The following PDE11A variants were observed in gnomAD, a reference collection of about 807,000 sequenced individuals.
The protein encoded by PDE11A is dual 3',5'-cyclic-AMP and -GMP phosphodiesterase 11A.
PDE11A carries 100 observed loss-of-function variants against 100.5 expected under a neutral mutation model. That is an observed-to-expected ratio of 1.00 (90% CI 0.85 to 1.18). The LOEUF (loss-of-function observed/expected upper bound fraction) is 1.18, where lower values mean the gene tolerates loss of function less well. Among genes scored for constraint, PDE11A ranks in the 50% most tolerant of loss-of-function variants. PDE11A has a pLI of 0.00. For missense variants in PDE11A, 1,141 were observed against 1,152.6 expected (o/e 0.99, Z 0.15); for synonymous variants, 381 against 420.8 (o/e 0.91, Z 1.16).
At chr2:177,743,781 T>C (rs945953854) in intron 10 of PDE11A, among the ~76,000 whole-genome samples, 8 of 152,026 alleles carry the variant, frequency 5.3e-5, no homozygotes, top group Non-Finnish European at 1.2e-4. Flanking sequence ...TGGGGTAGAG[T>C]AAGAACTTGG....
chr2:177,920,419 A>G (rs534241438), intron 2 of PDE11A, among the ~76,000 whole-genome samples: 30 of 152,138 alleles, frequency 2.0e-4, no homozygotes, highest in Non-Finnish European at 3.7e-4. Flanking sequence ...AAGAACAAAA[A>G]GTGTTCAGGA....
At chr2:177,864,996 T>C (rs2084003994) in intron 5 of PDE11A, among the ~76,000 whole-genome samples, 1 of 151,952 alleles carries the variant, frequency 6.6e-6, no homozygotes, top group African/African-American at 2.4e-5. Context: ...AACAAACAAA[T>C]CGGCCAGGCA....
chr2:177,885,819 G>A (rs1259084191), intron 4 of PDE11A, among the ~76,000 whole-genome samples: 3 of 152,130 alleles, frequency 2.0e-5, no homozygotes, highest in African/African-American at 7.2e-5. Flanking sequence ...ATTTACATAA[G>A]GACCAAGGAG....
At chr2:178,047,628 T>C (rs1254219671) in intron 1 of PDE11A, among the ~76,000 whole-genome samples, 1 of 152,158 alleles carries the variant, frequency 6.6e-6, no homozygotes, top group Admixed American at 6.6e-5. Context: ...TCTGGTAACA[T>C]GATAGAGCAG....
intron 2 of PDE11A, among the ~76,000 whole-genome samples, chr2:177,917,731 T>C (rs1008244944): frequency 1.3e-5 from 2 of 152,196 alleles, no homozygotes; most frequent in African/African-American, 4.8e-5. Context: ...TAAGGAAATA[T>C]AAAATTGCTA....
intron 10 of PDE11A, among the ~76,000 whole-genome samples, chr2:177,765,844 C>G (rs1294661305): frequency 2.0e-5 from 3 of 152,192 alleles, no homozygotes; most frequent in Non-Finnish European, 4.4e-5. Flanking sequence ...CTGTTAGTCT[C>G]TCATGTAAAT....
intron 19 of PDE11A, among the ~76,000 whole-genome samples, chr2:177,647,749 G>A (rs543915691): frequency 1.3e-5 from 2 of 152,150 alleles, no homozygotes; most frequent in Non-Finnish European, 2.9e-5. Flanking sequence ...ATCCTTGGGG[G>A]ATAAAAATCC....
At chr2:177,897,941 T>C (rs2084634801) in intron 4 of PDE11A, 117 bp downstream of exon 4, 1 of 857,888 alleles carries the variant, frequency 1.2e-6, no homozygotes, top group African/African-American at 1.7e-5. Context: ...AGTTGCCCCA[T>C]GGTTGAAGAG....
intron 14 of PDE11A, chr2:177,698,417 T>A (rs1441388384): frequency 1.3e-5 from 2 of 152,198 alleles, no homozygotes; most frequent in Non-Finnish European, 2.9e-5. Context: ...GTCAGGACTT[T>A]TCATTTTTTA....
chr2:177,764,652 T>C (rs559831618), intron 10 of PDE11A, among the ~76,000 whole-genome samples: 2 of 152,228 alleles, frequency 1.3e-5, no homozygotes, highest in Non-Finnish European at 2.9e-5. Context: ...TCTTTATACA[T>C]TATTCCTGTT....
intron 1 of PDE11A, among the ~76,000 whole-genome samples, chr2:178,047,933 C>A (rs16866031): frequency 0.019 from 2,883 of 152,252 alleles, 54 homozygotes; most frequent in East Asian, 0.091. Flanking sequence ...TGCTCCCAGG[C>A]CTTCCATGGC....
intron 2 of PDE11A, among the ~76,000 whole-genome samples, chr2:177,939,593 G>A (rs560529028): frequency 2.0e-5 from 3 of 151,490 alleles, no homozygotes; most frequent in East Asian, 2.0e-4. Flanking sequence ...GGTTGACTCC[G>A]AATTTAACCA....
rs2086108817 is a variant in PDE11A, at chr2:177,998,784, C to A, written c.1071+15518G>T. The A allele has an allele frequency of 8.2e-6, 6 of 730,604 alleles. No individual in the cohort carries two copies. In the Admixed American group the frequency reaches 1.0e-4, roughly 12 times the overall value. The allele number at this position is 730,604 out of a possible 1,614,324, so 45.3% of individuals were successfully genotyped here. ...TACCATCGGCATGGTGAGCGACAAGCCCAGGGCCTGCTCCCACTATCTTCA... is the reference window on the plus strand; with the variant it reads ...TACCATCGGCATGGTGAGCGACAAGACCAGGGCCTGCTCCCACTATCTTCA... On this transcript the variant is annotated intron_variant, in intron 2 of 19. Transcript: ENST00000286063.
Position 177,624,012 on chromosome 2 carries a change from T to C in PDE11A, c.*5395A>G, listed in dbSNP as rs2079798280. 6.6e-6 allele frequency: 1 copy of C among 152,224 alleles called. No homozygotes were observed. The highest frequency in any genetic ancestry group is 6.5e-5 in the Admixed American group (1 of 15,280). 9.4% of individuals were successfully genotyped at this position (152,224 alleles called of 1,614,324 possible). On this transcript the variant is annotated 3_prime_UTR_variant, in exon 20 of 20. Transcript: ENST00000286063. ...TTTTATTTCTGCCCTCTATATGTTT[T>C]ATTCTATTATTCTTCACTTAGGAAG...
intron 3 of PDE11A, among the ~76,000 whole-genome samples, chr2:177,901,877 C>T (rs549742310): frequency 7.0e-4 from 107 of 152,260 alleles, no homozygotes; most frequent in Non-Finnish European, 1.4e-3. Context: ...GATCCATATA[C>T]AAGAATATTT....
rs921283079 is a variant in PDE11A at position 178,052,649 on chromosome 2, CAAAT to C, written c.912+18873_912+18876del. Reference sequence around the variant, plus strand: ...AATAAAGAAGAAAAGAAAGAAGAATCAAATAGATGCAATAAAAAATGATAAAGGG... The same window carrying C: ...AATAAAGAAGAAAAGAAAGAAGAATCAGATGCAATAAAAAATGATAAAGGG... On this transcript the variant is annotated intron_variant, in intron 1 of 19. Coordinates refer to ENST00000286063, the MANE Select transcript of PDE11A (RefSeq NM_016953.4). Among the ~76,000 whole-genome samples the C allele has an allele frequency of 2.6e-5, 4 of 152,152 alleles. 1 individual carries two copies. Among genetic ancestry groups the C allele is most frequent in the Middle Eastern group, 6.8e-3 (2 of 294 alleles).
At chr2:177,877,808 T>C (rs1297992384) in intron 4 of PDE11A, among the ~76,000 whole-genome samples, 2 of 152,140 alleles carry the variant, frequency 1.3e-5, no homozygotes, top group African/African-American at 2.4e-5. Flanking sequence ...TGACAAGATA[T>C]ACCACATGAT....
intron 4 of PDE11A, among the ~76,000 whole-genome samples, chr2:177,881,302 G>C (rs752700771): frequency 5.3e-5 from 8 of 150,400 alleles, no homozygotes; most frequent in Non-Finnish European, 1.0e-4. Context: ...CCAATTCCTA[G>C]AATAAATATC....
At chr2:177,685,829 A>C (rs2080940015) in intron 15 of PDE11A, among the ~76,000 whole-genome samples, 1 of 152,174 alleles carries the variant, frequency 6.6e-6, no homozygotes, top group Non-Finnish European at 1.5e-5. Flanking sequence ...GGCCTCCCAT[A>C]GTGCTGGGAT....
Sources: gnomAD v4.1 joint callset for allele counts (sites outside exome capture counted in the v4.1 genomes callset) on GRCh38, gnomAD v4.1.1 for gene constraint, MANE v1.5 for transcripts, NCBI Gene and HGNC (gene_info 2026-07-23, HGNC 2026-07-21) for gene names.